The following GAN variants were observed in gnomAD, a reference collection of about 807,000 sequenced individuals.
The protein encoded by GAN is gigaxonin.
Under a neutral mutation model 71.3 loss-of-function variants are expected in GAN, and 48 were observed. The observed-to-expected ratio is 0.67, with a 90% CI of 0.53 to 0.86. The LOEUF (loss-of-function observed/expected upper bound fraction) is 0.86. GAN is among the 40% of genes least tolerant of loss of function. The pLI, the probability that GAN is intolerant of heterozygous loss-of-function variation, is 0.00. For synonymous variants in GAN, 386 were observed against 276.8 expected, an observed-to-expected ratio of 1.39 and a Z score of -3.92; for missense variants, 928 against 770.1, an observed-to-expected ratio of 1.21 and a Z score of -2.43.
chr16:81,376,465 ATGTGTG>A (rs56782049), intron 9 of GAN, among the ~76,000 whole-genome samples: 1,726 of 127,140 alleles, frequency 0.014, 12 homozygotes, highest in African/African-American at 0.018. Flanking sequence ...ATACATACAT[ATGTGTG>A]TGTGTGTGTG....
chr16:81,338,242 C>A (rs1412907422), intron 1 of GAN, among the ~76,000 whole-genome samples: 2 of 152,074 alleles, frequency 1.3e-5, no homozygotes, highest in East Asian at 3.8e-4. Context: ...AAGGTTGCTG[C>A]ATTTTCTAGG....
chr16:81,336,471 T>G (rs900356658), intron 1 of GAN, among the ~76,000 whole-genome samples: 17 of 152,062 alleles, frequency 1.1e-4, no homozygotes, highest in Non-Finnish European at 1.9e-4. Context: ...TTTTATGTAT[T>G]TATTTATTTT....
chr16:81,350,387 G>A (rs1910259890), intron 1 of GAN, among the ~76,000 whole-genome samples: 1 of 152,186 alleles, frequency 6.6e-6, no homozygotes, highest in Non-Finnish European at 1.5e-5. Context: ...TGAATCCGCA[G>A]ATGCCCTTAC....
chr16:81,386,571 G>C lies in GAN; in HGVS notation c.*8975G>C, dbSNP rs1419041551. On this transcript the variant is annotated 3_prime_UTR_variant, in exon 11 of 11. Coordinates refer to ENST00000648994, the MANE Select transcript of GAN (RefSeq NM_022041.4). ...CTGGTTAGGTTATGAGACTGGCAGA[G>C]GTAGGAGTATATAATGTGCTCAGCT... The C allele has an allele frequency of 2.0e-5, 3 of 152,224 alleles. No homozygotes were observed. In the East Asian group the frequency reaches 5.8e-4, roughly 29 times the overall value. The allele number at this position is 152,224 out of a possible 1,614,324, so 9.4% of individuals were successfully genotyped here.
At chr16:81,338,118 A>G (rs1483955616) in intron 1 of GAN, among the ~76,000 whole-genome samples, 1 of 152,214 alleles carries the variant, frequency 6.6e-6, no homozygotes, top group Non-Finnish European at 1.5e-5. Context: ...GAAAACGCGG[A>G]ACAATGTGAC....
At chr16:81,358,056 G>A in intron 5 of GAN, 125 bp downstream of exon 5, 1 of 860,826 alleles carries the variant, frequency 1.2e-6, no homozygotes, top group Non-Finnish European at 1.9e-6. Flanking sequence ...CATTTTTAGT[G>A]TAGTTCTAGC....
intron 1 of GAN, among the ~76,000 whole-genome samples, chr16:81,342,396 A>T (rs12925347): frequency 0.8 from 121,013 of 152,114 alleles, 48,495 homozygotes; most frequent in East Asian, 0.95. Context: ...AAGCACTCCT[A>T]GGCAAATGTA....
rs768074318 is a variant in GAN, at chr16:81,354,660, G to A, written c.538G>A (p.Glu180Lys). Residue 180 changes from glutamate to lysine, a missense_variant, in exon 3 of 11, where the codon GAA becomes AAA. Glu to Lys is a moderately conservative substitution (Grantham distance 56). Coordinates refer to ENST00000648994, the MANE Select transcript of GAN (RefSeq NM_022041.4). ...FLELSPQKLK[E>K]VISLEKLNVG... ...AGAGCTGAGTCCTCAAAAGCTTAAA[G>A]AAGTGATTTCTCTTGAGAAGTTAAA... is the stretch of plus-strand genomic sequence containing the variant. 6.2e-7 allele frequency: 1 copy of A among 1,613,750 alleles called. No individual in the cohort carries two copies. Among genetic ancestry groups the A allele is most frequent in the East Asian group, 2.2e-5 (1 of 44,886 alleles).
Position 81,364,971 on chromosome 16 carries a change from C to T in GAN, c.1237-3C>T. The T allele has an allele frequency of 6.2e-7, 1 of 1,614,006 alleles. No homozygotes were observed. Among genetic ancestry groups the T allele is most frequent in the Non-Finnish European group, 8.5e-7 (1 of 1,179,868 alleles). On this transcript the variant is annotated splice_polypyrimidine_tract_variant and splice_region_variant and intron_variant, in intron 7 of 10. Transcript: ENST00000648994. ...CTCCCCCACCATTGTTCTCTGCTTT[C>T]AGATCGGCTGCTATGCAGCTATGAA...
Position 81,387,966 on chromosome 16 carries a change from A to G in GAN, c.*10370A>G, listed in dbSNP as rs1260504916. On this transcript the variant is annotated 3_prime_UTR_variant, in exon 11 of 11. Coordinates refer to ENST00000648994, the MANE Select transcript of GAN (RefSeq NM_022041.4). ...TCCCCGTTTCTTTCACTGGTGAATAACCTTTCGTTTGAACCAGCCTTGATT... is the reference window on the plus strand; with the variant it reads ...TCCCCGTTTCTTTCACTGGTGAATAGCCTTTCGTTTGAACCAGCCTTGATT... 6.6e-6 allele frequency: 1 copy of G among 152,248 alleles called. No individual in the cohort carries two copies. Among genetic ancestry groups the G allele is most frequent in the African/African-American group, 2.4e-5 (1 of 41,444 alleles). 9.4% of individuals were successfully genotyped at this position (152,248 alleles called of 1,614,324 possible). A position where few individuals can be genotyped will look rare whatever the true frequency, so the allele number is the denominator to read the frequency against.
chr16:81,340,811 A>C (rs1597395559), intron 1 of GAN, among the ~76,000 whole-genome samples: 1 of 152,194 alleles, frequency 6.6e-6, no homozygotes, highest in Middle Eastern at 3.4e-3. Flanking sequence ...TGATAGAAGT[A>C]GGCTTCAGAA....
rs1483129937 is a variant in GAN at position 81,390,577 on chromosome 16, G to A, written c.*12981G>A. ...CTGTTCTCTTGTACCAAGGATCAGTGAAAGTGTTTTATCTTTTTTATGTAG... is the reference window on the plus strand; with the variant it reads ...CTGTTCTCTTGTACCAAGGATCAGTAAAAGTGTTTTATCTTTTTTATGTAG... On this transcript the variant is annotated 3_prime_UTR_variant, in exon 11 of 11. Transcript: ENST00000648994. The A allele has an allele frequency of 6.6e-6, 1 of 152,190 alleles. No homozygotes were observed. The highest frequency in any genetic ancestry group is 1.5e-5 in the Non-Finnish European group (1 of 68,048). 9.4% of individuals were successfully genotyped at this position (152,190 alleles called of 1,614,324 possible).
At chr16:81,374,425 C>G (rs1245386134) in intron 9 of GAN, among the ~76,000 whole-genome samples, 1 of 152,220 alleles carries the variant, frequency 6.6e-6, no homozygotes, top group East Asian at 1.9e-4. Flanking sequence ...ACTGGTAGAC[C>G]TAGCCTGCAG....
intron 9 of GAN, among the ~76,000 whole-genome samples, chr16:81,365,775 C>T (rs542006370): frequency 2.0e-5 from 3 of 152,044 alleles, no homozygotes; most frequent in Admixed American, 6.6e-5. Context: ...ACTTGTTGGG[C>T]ATGGTGGCTC....
chr16:81,316,816 G>A (rs1482056181), intron 1 of GAN, among the ~76,000 whole-genome samples: 1 of 152,130 alleles, frequency 6.6e-6, no homozygotes, highest in Admixed American at 6.5e-5. Context: ...CATTTACTTT[G>A]GTGGTCTTTC....
rs757924890 is a variant in GAN at position 81,379,487 on chromosome 16, G to T, written c.*1891G>T. The stretch of plus-strand genomic sequence containing the variant: ...AATATGTCAGTCAAAACCAAATTCA[G>T]AATTGTTTTGTGTACCAGTCAGCTG... On this transcript the variant is annotated 3_prime_UTR_variant, in exon 11 of 11. Coordinates refer to ENST00000648994, the MANE Select transcript of GAN (RefSeq NM_022041.4). 6.6e-6 allele frequency: 1 copy of T among 152,202 alleles called. No individual in the cohort carries two copies. Among genetic ancestry groups the T allele is most frequent in the Admixed American group, 6.5e-5 (1 of 15,282 alleles). The allele number at this position is 152,202 out of a possible 1,614,324, so 9.4% of individuals were successfully genotyped here. A position where few individuals can be genotyped will look rare whatever the true frequency, so the allele number is the denominator to read the frequency against.
In GAN at chr16:81,380,205, A is replaced by G. The variant is rs1319625430; in HGVS notation, c.*2609A>G. 6.5e-6 allele frequency: 1 copy of G among 152,748 alleles called. No homozygotes were observed. Among genetic ancestry groups the G allele is most frequent in the East Asian group, 1.9e-4 (1 of 5,194 alleles). 9.5% of individuals were successfully genotyped at this position (152,748 alleles called of 1,614,324 possible). On this transcript the variant is annotated 3_prime_UTR_variant, in exon 11 of 11. Coordinates refer to ENST00000648994, the MANE Select transcript of GAN (RefSeq NM_022041.4). Reference sequence around the variant, plus strand: ...ATGCAGGTTTGTGTTTTAACATTCCACTTATGCCTTGAAACATCATTTCTT... The same window carrying G: ...ATGCAGGTTTGTGTTTTAACATTCCGCTTATGCCTTGAAACATCATTTCTT...
At position 81,351,576 on chromosome 16, in the gene GAN, T is replaced by G; in HGVS notation, c.168-7T>G. 1 of 1,218,732 alleles carries G rather than the reference T, an allele frequency of 8.2e-7. No homozygotes were observed. The highest frequency in any genetic ancestry group is 1.2e-5 in the South Asian group (1 of 83,070). The allele number at this position is 1,218,732 out of a possible 1,614,324, so 75.5% of individuals were successfully genotyped here. A position where few individuals can be genotyped will look rare whatever the true frequency, so the allele number is the denominator to read the frequency against. ...ATAGAAATTTTACATTTTTTTCCCTTTCTTAGGACAAAGTTAAACTATAAT... is the reference window on the plus strand; with the variant it reads ...ATAGAAATTTTACATTTTTTTCCCTGTCTTAGGACAAAGTTAAACTATAAT... On this transcript the variant is annotated splice_polypyrimidine_tract_variant and splice_region_variant and intron_variant, in intron 1 of 10. Transcript: ENST00000648994.
At chr16:81,322,384 A>G (rs1023056661) in intron 1 of GAN, among the ~76,000 whole-genome samples, 7 of 152,232 alleles carry the variant, frequency 4.6e-5, no homozygotes, top group Admixed American at 4.6e-4. Context: ...GTGGCAACCA[A>G]CTGGCAAGGC....
Sources: gnomAD v4.1 joint callset for allele counts (sites outside exome capture counted in the v4.1 genomes callset) on GRCh38, gnomAD v4.1.1 for gene constraint, MANE v1.5 for transcripts, NCBI Gene and HGNC (gene_info 2026-07-23, HGNC 2026-07-21) for gene names.